Variants in NUDT5 observed in about 807,000 individuals in gnomAD.
The protein encoded by NUDT5 is nudix hydrolase 5.
Under a neutral mutation model 34.1 loss-of-function variants are expected in NUDT5, and 21 were observed. The observed-to-expected ratio is 0.62, with a 90% CI of 0.44 to 0.89. NUDT5 has a LOEUF of 0.89. Ranked by LOEUF, NUDT5 falls within the 40% of genes least tolerant of loss-of-function variation. NUDT5 has a pLI of 0.00. For missense variants in NUDT5, 249 were observed against 274.8 expected (o/e 0.91, Z 0.66); for synonymous variants, 85 against 97.6 (o/e 0.87, Z 0.76).
chr10:12,186,868 C>T (rs1045623405), intron 1 of NUDT5, among the ~76,000 whole-genome samples: 5 of 152,142 alleles, frequency 3.3e-5, no homozygotes, highest in African/African-American at 1.2e-4. Context: ...ATCAAGTGAT[C>T]TGCCCTCCTT....
At position 12,169,075 on chromosome 10, in the gene NUDT5, T is replaced by A. The variant is rs1045294678; in HGVS notation, c.551-1264A>T. On this transcript the variant is annotated intron_variant, in intron 9 of 9. Coordinates refer to ENST00000491614, the MANE Select transcript of NUDT5 (RefSeq NM_014142.4). This position sits in a 1 kb window ranked among gnomAD's most constrained non-coding sequence, Gnocchi z 4.8. ...ACCGCACCCGGCCAGCAAACTGATC[T>A]TAAAATGTAATACTTTCCTTCCGAC... 6.6e-6 allele frequency among the ~76,000 whole-genome samples: 1 copy of A among 152,216 alleles called. No homozygotes were observed. Among genetic ancestry groups the A allele is most frequent in the Non-Finnish European group, 1.5e-5 (1 of 68,046 alleles).
In NUDT5 at chr10:12,187,340, C is replaced by T. The variant is rs1051820027; in HGVS notation, c.-41-1008G>A. On this transcript the variant is annotated intron_variant, in intron 1 of 9. Coordinates refer to ENST00000491614, the MANE Select transcript of NUDT5 (RefSeq NM_014142.4). The surrounding 1 kb of genome is among the most constrained non-coding windows in gnomAD (Gnocchi z 5.4). ...GCATGAGCCACTGGACCCACCTCCCCACTTACTTTTAAGTTTCAGCATGTA... is the reference window on the plus strand; with the variant it reads ...GCATGAGCCACTGGACCCACCTCCCTACTTACTTTTAAGTTTCAGCATGTA... 2.0e-5 allele frequency among the ~76,000 whole-genome samples: 3 copies of T among 152,188 alleles called. No individual in the cohort carries two copies. Among genetic ancestry groups the T allele is most frequent in the African/African-American group, 7.2e-5 (3 of 41,448 alleles).
At chr10:12,184,425 AC>A (rs1294116248) in intron 3 of NUDT5, 1 of 1,385,706 alleles carries the variant, frequency 7.2e-7, no homozygotes, top group Non-Finnish European at 9.9e-7. Context: ...GGCTACTGAC[AC>A]ATATTATGAA....
Position 12,165,432 on chromosome 10 carries a change from G to A in NUDT5, c.*2270C>T, listed in dbSNP as rs2131687935. ...ACGTTTTCTAAGATCATTTGTATAG[G>A]TTCAGTGTATTCATAAGAAGTCCAC... On this transcript the variant is annotated 3_prime_UTR_variant, in exon 10 of 10. Transcript: ENST00000491614. 2 of 890,912 alleles carry A rather than the reference G, an allele frequency of 2.2e-6. No individual in the cohort carries two copies. The highest frequency in any genetic ancestry group is 1.2e-4 in the East Asian group (1 of 8,326). 55.2% of individuals were successfully genotyped at this position (890,912 alleles called of 1,614,324 possible). A position where few individuals can be genotyped will look rare whatever the true frequency, so the allele number is the denominator to read the frequency against.
intron 5 of NUDT5, among the ~76,000 whole-genome samples, chr10:12,177,316 G>A (rs549699131): frequency 2.6e-4 from 40 of 152,116 alleles, no homozygotes; most frequent in African/African-American, 9.2e-4. Flanking sequence ...TCAGGAGATC[G>A]AGACCATCCT....
Position 12,168,027 on chromosome 10 carries a change from A to ATTTT in NUDT5, c.551-220_551-217dup. ...TGAGACAAGAACATCAGGGATAATG[A>ATTTT]TTTTTTTTTTTTTTGGTGAGACAGT... On this transcript the variant is annotated intron_variant, in intron 9 of 9. Coordinates refer to ENST00000491614, the MANE Select transcript of NUDT5 (RefSeq NM_014142.4). This position sits in a 1 kb window ranked among gnomAD's most constrained non-coding sequence, Gnocchi z 4.8. 17 of 615,650 alleles carry ATTTT rather than the reference A, an allele frequency of 2.8e-5. No individual in the cohort carries two copies. The highest frequency in any genetic ancestry group is 3.4e-5 in the Non-Finnish European group (15 of 441,966). 38.1% of individuals were successfully genotyped at this position (615,650 alleles called of 1,614,324 possible). A position where few individuals can be genotyped will look rare whatever the true frequency, so the allele number is the denominator to read the frequency against.
rs1384918878 is a variant in NUDT5, at chr10:12,181,373, T to C, written c.132-2241A>G. Among the ~76,000 whole-genome samples the C allele has an allele frequency of 6.6e-6, 1 of 152,184 alleles. No individual in the cohort carries two copies. The highest frequency in any genetic ancestry group is 1.5e-5 in the Non-Finnish European group (1 of 68,028). On this transcript the variant is annotated intron_variant, in intron 3 of 9. Transcript: ENST00000491614. This position sits in a 1 kb window ranked among gnomAD's most constrained non-coding sequence, Gnocchi z 5.0. ...GGAACCAACCCCGACAGACACCAAG[T>C]GACAGCTGTACAGGTTGAGTATTCC...
rs1452790746 is a variant in NUDT5 at position 12,168,312 on chromosome 10, C to A, written c.551-501G>T. On this transcript the variant is annotated intron_variant, in intron 9 of 9. Transcript: ENST00000491614. The surrounding 1 kb of genome is among the most constrained non-coding windows in gnomAD (Gnocchi z 4.8). The stretch of plus-strand genomic sequence containing the variant: ...GTGCTGGGATTACAGGCGTGAGCTA[C>A]CGCACCCAGCCAGGGATGATTTTAT... 6.6e-6 allele frequency among the ~76,000 whole-genome samples: 1 copy of A among 152,208 alleles called. No individual in the cohort carries two copies. Among genetic ancestry groups the A allele is most frequent in the Admixed American group, 6.5e-5 (1 of 15,282 alleles).
At position 12,166,221 on chromosome 10, in the gene NUDT5, G is replaced by T. The variant is rs1834685774; in HGVS notation, c.*1481C>A. The T allele has an allele frequency of 6.5e-6, 1 of 153,060 alleles. No individual in the cohort carries two copies. The highest frequency in any genetic ancestry group is 1.9e-4 in the East Asian group (1 of 5,212). 9.5% of individuals were successfully genotyped at this position (153,060 alleles called of 1,614,324 possible). ...GGGGAGGAACTGGGCTATGTGGAAAGACTGGGCTGCGCCCGTCTACGGATG... is the reference window on the plus strand; with the variant it reads ...GGGGAGGAACTGGGCTATGTGGAAATACTGGGCTGCGCCCGTCTACGGATG... On this transcript the variant is annotated 3_prime_UTR_variant, in exon 10 of 10. Transcript: ENST00000491614.
rs1025498904 is a variant in NUDT5 at position 12,169,169 on chromosome 10, T to C, written c.551-1358A>G. On this transcript the variant is annotated intron_variant, in intron 9 of 9. Coordinates refer to ENST00000491614, the MANE Select transcript of NUDT5 (RefSeq NM_014142.4). The surrounding 1 kb of genome is among the most constrained non-coding windows in gnomAD (Gnocchi z 4.8). ...TTTGATTCTGCTAAAGCTAGGCAAC[T>C]TGGTTCTTTTACCCCTCCTCCTTTA... 1.2e-5 allele frequency: 9 copies of C among 753,476 alleles called. No individual in the cohort carries two copies. Among genetic ancestry groups the C allele is most frequent in the Admixed American group, 2.9e-5 (1 of 34,870 alleles). 46.7% of individuals were successfully genotyped at this position (753,476 alleles called of 1,614,324 possible).
chr10:12,184,965 A>AT lies in NUDT5; in HGVS notation c.64-10dup. The AT allele has an allele frequency of 6.9e-7, 1 of 1,451,210 alleles. No individual in the cohort carries two copies. The highest frequency in any genetic ancestry group is 9.6e-7 in the Non-Finnish European group (1 of 1,038,304). The allele number at this position is 1,451,210 out of a possible 1,614,324, so 89.9% of individuals were successfully genotyped here. A position where few individuals can be genotyped will look rare whatever the true frequency, so the allele number is the denominator to read the frequency against. Reference sequence around the variant, plus strand: ...TTTCCTTCTGAAATTAACTAAAAGGATATCAGATAATAAGTTGGGAAACTT... The same window carrying AT: ...TTTCCTTCTGAAATTAACTAAAAGGATTATCAGATAATAAGTTGGGAAACTT... On this transcript the variant is annotated splice_polypyrimidine_tract_variant and intron_variant, in intron 2 of 9. Transcript: ENST00000491614.
chr10:12,180,492 AG>A (rs2131708379), intron 3 of NUDT5: 1 of 152,350 alleles, frequency 6.6e-6, no homozygotes, highest in Non-Finnish European at 1.5e-5. Flanking sequence ...CCCAAACACT[AG>A]GAATAAGGGA....
chr10:12,195,024 T>C (rs1249369584), intron 1 of NUDT5, among the ~76,000 whole-genome samples: 1 of 152,064 alleles, frequency 6.6e-6, no homozygotes, highest in Non-Finnish European at 1.5e-5. Context: ...TTAGCCGGCG[T>C]AGTGGCGCGC....
intron 1 of NUDT5, among the ~76,000 whole-genome samples, chr10:12,189,353 G>A (rs10082457): frequency 0.15 from 23,127 of 152,116 alleles, 1,926 homozygotes; most frequent in Middle Eastern, 0.24. Flanking sequence ...TGATCCACCA[G>A]CCTCAGCCTC....
At chr10:12,195,251 A>T (rs186049040) in intron 1 of NUDT5, among the ~76,000 whole-genome samples, 1 of 152,356 alleles carries the variant, frequency 6.6e-6, no homozygotes, top group Admixed American at 6.5e-5. Flanking sequence ...GAAGCAAAGG[A>T]AAAAACGATA....
At position 12,167,838 on chromosome 10, in the gene NUDT5, G is replaced by A. The variant is rs1834743306; in HGVS notation, c.551-27C>T. On this transcript the variant is annotated intron_variant, in intron 9 of 9. Transcript: ENST00000491614. Reference sequence around the variant, plus strand: ...TGTGGAAAGCAAAGAAAACAACTTAGATCATGCCGTTAAGGAAGGACAAAA... The same window carrying A: ...TGTGGAAAGCAAAGAAAACAACTTAAATCATGCCGTTAAGGAAGGACAAAA... The A allele has an allele frequency of 1.9e-6, 3 of 1,612,122 alleles. No homozygotes were observed. The Admixed American group carries it at 5.0e-5, about 27-fold the overall frequency.
chr10:12,193,717 C>T (rs1302667285), intron 1 of NUDT5, among the ~76,000 whole-genome samples: 1 of 152,190 alleles, frequency 6.6e-6, no homozygotes, highest in East Asian at 1.9e-4. Flanking sequence ...AGTCATTGAA[C>T]ACACTTCTAA....
chr10:12,194,274 T>C (rs1194105163), intron 1 of NUDT5, among the ~76,000 whole-genome samples: 1 of 152,236 alleles, frequency 6.6e-6, no homozygotes, highest in Admixed American at 6.5e-5. Flanking sequence ...CTATCTTCAT[T>C]AGAAAACATC....
chr10:12,191,247 G>T (rs910015870), intron 1 of NUDT5, among the ~76,000 whole-genome samples: 7 of 152,100 alleles, frequency 4.6e-5, no homozygotes, highest in Non-Finnish European at 7.4e-5. Context: ...AGCCAGGCTT[G>T]GTGGTGGGCG....
Sources: gnomAD v4.1 joint callset for allele counts (sites outside exome capture counted in the v4.1 genomes callset) on GRCh38, gnomAD v4.1.1 for gene constraint, Gnocchi (gnomAD v3.1) non-coding constraint, MANE v1.5 for transcripts, NCBI Gene and HGNC (gene_info 2026-07-23, HGNC 2026-07-21) for gene names.